Variants in ZC3H12B observed in about 807,000 individuals in gnomAD.
ZC3H12B encodes probable ribonuclease ZC3H12B.
A neutral mutation model predicts 43.9 loss-of-function variants in ZC3H12B; 7 were observed. That is an observed-to-expected ratio of 0.16 (90% CI 0.09 to 0.30). The LOEUF (loss-of-function observed/expected upper bound fraction) is 0.30. ZC3H12B is among the 10% of genes least tolerant of loss of function. The pLI is 1.00. For synonymous variants in ZC3H12B, 222 were observed against 241.7 expected (o/e 0.92, Z 0.76); for missense variants, 475 against 670.2 (o/e 0.71, Z 3.22).
intron 3 of ZC3H12B, among the ~76,000 whole-genome samples, chrX:65,480,553 A>T (rs974089720): frequency 2.7e-5 from 3 of 112,255 alleles, no homozygotes; most frequent in Non-Finnish European, 3.8e-5. Context: ...AGGCTATAAG[A>T]GTACAAGAAT....
At chrX:65,037,091 C>A in the ZC3H12B span, among the ~76,000 whole-genome samples, 59 of 109,367 alleles carry the variant, frequency 5.4e-4, 1 homozygote, top group African/African-American at 1.9e-3. Flanking sequence ...ACAGAAACAG[C>A]AATTTACCAG....
intron 3 of ZC3H12B, among the ~76,000 whole-genome samples, chrX:65,439,856 G>C (rs1369603027): frequency 1.8e-5 from 2 of 110,402 alleles, no homozygotes; most frequent in Non-Finnish European, 3.8e-5. Context: ...CTCAGTGTCA[G>C]TCTCAACATG....
chrX:65,408,605 T>A, intron 3 of ZC3H12B: 1 of 1,131,296 alleles, frequency 8.8e-7, no homozygotes, highest in Non-Finnish European at 1.2e-6. Flanking sequence ...GAGTGGGCAA[T>A]CTCACTTGGC....
intron 2 of ZC3H12B, among the ~76,000 whole-genome samples, chrX:65,383,323 G>A (rs2066471283): frequency 9.0e-6 from 1 of 111,701 alleles, no homozygotes; most frequent in Admixed American, 9.5e-5. Flanking sequence ...TCTGATCTTT[G>A]ACAAACCTGG....
At chrX:65,070,085 T>C in the ZC3H12B span, among the ~76,000 whole-genome samples, 1 of 108,834 alleles carries the variant, frequency 9.2e-6, no homozygotes, top group Non-Finnish European at 1.9e-5. Context: ...TTTTTGTTTG[T>C]TTGTAGGCTA....
At chrX:65,372,047 G>C (rs1321130592) in intron 2 of ZC3H12B, among the ~76,000 whole-genome samples, 1 of 111,963 alleles carries the variant, frequency 8.9e-6, no homozygotes, top group Non-Finnish European at 1.9e-5. Context: ...CCAATAGAGA[G>C]TTTGTGTTTA....
the ZC3H12B span, among the ~76,000 whole-genome samples, chrX:65,191,715 C>T: frequency 4.5e-4 from 48 of 107,757 alleles, no homozygotes; most frequent in Non-Finnish European, 8.0e-4. Context: ...GTCTTGCTAG[C>T]GGTCTATCAA....
chrX:65,149,414 A>G, the ZC3H12B span, among the ~76,000 whole-genome samples: 1 of 112,024 alleles, frequency 8.9e-6, no homozygotes, highest in South Asian at 3.7e-4. Context: ...TTATTAGGTT[A>G]AAATTACATA....
chrX:65,144,361 CTTCTT>C, the ZC3H12B span, among the ~76,000 whole-genome samples: 1 of 112,117 alleles, frequency 8.9e-6, no homozygotes, highest in Non-Finnish European at 1.9e-5. Flanking sequence ...AATTTTCTCT[CTTCTT>C]TTCATGGTTA....
At chrX:65,334,740 A>G in the ZC3H12B span, among the ~76,000 whole-genome samples, 11 of 111,656 alleles carry the variant, frequency 9.9e-5, no homozygotes, top group African/African-American at 3.6e-4. Flanking sequence ...CTCTGACCTA[A>G]TAAGCAGGCA....
At chrX:65,178,232 G>C in the ZC3H12B span, among the ~76,000 whole-genome samples, 3 of 112,156 alleles carry the variant, frequency 2.7e-5, no homozygotes, top group South Asian at 1.1e-3. Flanking sequence ...GAAACTGGAT[G>C]CCTTCCTTAT....
upstream of ZC3H12B, among the ~76,000 whole-genome samples, chrX:65,486,467 G>C (rs774411992): frequency 1.4e-3 from 152 of 111,907 alleles, 1 homozygote; most frequent in African/African-American, 4.8e-3. Flanking sequence ...TTGTCCCAAG[G>C]ATTTTTGCAT....
At chrX:65,498,863 G>A (rs1323411146) in intron 2 of ZC3H12B, 136 bp from the exon 8 acceptor site, 5 of 477,718 alleles carry the variant, frequency 1.0e-5, no homozygotes, top group Non-Finnish European at 1.8e-5. Context: ...TCATAGCCAG[G>A]AACAGGGCCT....
chrX:65,301,627 G>A, the ZC3H12B span, among the ~76,000 whole-genome samples: 103 of 111,253 alleles, frequency 9.3e-4, 3 homozygotes, highest in East Asian at 0.023. Flanking sequence ...AACATCATAT[G>A]TTCTCACTCA....
intron 3 of ZC3H12B, chrX:65,408,610 C>T: frequency 8.9e-7 from 1 of 1,125,361 alleles, no homozygotes; most frequent in Non-Finnish European, 1.2e-6. Flanking sequence ...GGCAATCTCA[C>T]TTGGCAATAA....
the ZC3H12B span, among the ~76,000 whole-genome samples, chrX:65,261,762 G>GA: frequency 1.2e-4 from 13 of 110,019 alleles, no homozygotes; most frequent in South Asian, 3.7e-4. Context: ...TGAGTCAACT[G>GA]AAAAAAAATT....
chrX:65,163,915 TC>T, the ZC3H12B span, among the ~76,000 whole-genome samples: 1 of 111,153 alleles, frequency 9.0e-6, no homozygotes, highest in Non-Finnish European at 1.9e-5. Context: ...CCATCTTGGC[TC>T]CCCCCCTCTG....
the ZC3H12B span, among the ~76,000 whole-genome samples, chrX:65,221,748 T>C: frequency 1.8e-5 from 2 of 111,122 alleles, no homozygotes; most frequent in African/African-American, 6.5e-5. Context: ...GATTCACAGC[T>C]GAATTCTGTC....
At chrX:65,268,321 C>A in the ZC3H12B span, among the ~76,000 whole-genome samples, 2 of 111,567 alleles carry the variant, frequency 1.8e-5, no homozygotes, top group African/African-American at 6.5e-5. Context: ...CTGAATTCTA[C>A]CAAATGTTCA....
Sources: allele counts gnomAD v4.1 joint callset (sites outside exome capture counted in the v4.1 genomes callset), GRCh38; gene constraint gnomAD v4.1.1; transcripts MANE v1.5; gene names NCBI Gene and HGNC (gene_info 2026-07-23, HGNC 2026-07-21).